Variants in PATL1 observed in about 807,000 individuals in gnomAD.
PATL1 encodes protein PAT1 homolog 1.
In PATL1, 32 loss-of-function variants were observed where a neutral mutation model predicts 100.6. The observed-to-expected ratio is 0.32, with a 90% CI of 0.24 to 0.43. The LOEUF is 0.43. PATL1 is among the 20% of genes least tolerant of loss of function. The pLI is 1.00. For synonymous variants in PATL1, 332 were observed against 330.0 expected, an observed-to-expected ratio of 1.01 and a Z score of -0.07; for missense variants, 747 against 949.9, an observed-to-expected ratio of 0.79 and a Z score of 2.81.
At chr11:59,648,513 C>T in intron 14 of PATL1, among the ~76,000 whole-genome samples, 1 of 140,760 alleles carries the variant, frequency 7.1e-6, no homozygotes. Context: ...ACAGCAACAG[C>T]TTAAAAAAAA....
intron 2 of PATL1, among the ~76,000 whole-genome samples, chr11:59,662,078 C>T (rs904905019): frequency 2.0e-5 from 3 of 152,112 alleles, no homozygotes; most frequent in Non-Finnish European, 4.4e-5. Flanking sequence ...AATTTTTAAT[C>T]ATACAACGAT....
intron 1 of PATL1, chr11:59,667,203 T>C (rs1861703478): frequency 5.6e-6 from 3 of 531,558 alleles, no homozygotes; most frequent in Middle Eastern, 9.3e-4. Context: ...CCTCACAGCA[T>C]TCCATTTCTC....
chr11:59,659,513 AC>A, intron 2 of PATL1, 44 bp from the exon 3 acceptor site: 1 of 1,504,002 alleles, frequency 6.6e-7, no homozygotes, highest in Non-Finnish European at 8.9e-7. Context: ...TCATAGTGGT[AC>A]AAAAAAGTTT....
In PATL1 at chr11:59,666,837, G is replaced by GA; in HGVS notation, c.127+15dup. Reference sequence around the variant, plus strand: ...AGGAGGCTAAGATGATATTATAAGCGAAAGATGTCACTTACCAACTGCACC... The same window carrying GA: ...AGGAGGCTAAGATGATATTATAAGCGAAAAGATGTCACTTACCAACTGCACC... On this transcript the variant is annotated intron_variant, in intron 2 of 18. Transcript: ENST00000300146. 6.5e-7 allele frequency: 1 copy of GA among 1,545,508 alleles called. No individual in the cohort carries two copies. The highest frequency in any genetic ancestry group is 8.7e-7 in the Non-Finnish European group (1 of 1,145,328).
intron 2 of PATL1, 131 bp from the exon 3 acceptor site, chr11:59,659,600 C>T (rs1281645727): frequency 2.8e-5 from 22 of 782,924 alleles, no homozygotes; most frequent in South Asian, 2.4e-4. Flanking sequence ...GGCGTGATCT[C>T]GGCTCACCGC....
chr11:59,656,927 A>G (rs1293490812), intron 5 of PATL1, among the ~76,000 whole-genome samples: 1 of 152,192 alleles, frequency 6.6e-6, no homozygotes, highest in Non-Finnish European at 1.5e-5. Flanking sequence ...AGGGAGAAGG[A>G]ATGATAAGAA....
rs1165658928 is a variant in PATL1, at chr11:59,655,751, G to T, written c.814-11C>A. ...CCGTCCAGGCTGTAGCTACAAAGAG[G>T]AAGAAGATCTTAGATTTAGACAATC... On this transcript the variant is annotated splice_polypyrimidine_tract_variant and intron_variant, in intron 7 of 18. Coordinates refer to ENST00000300146, the MANE Select transcript of PATL1 (RefSeq NM_152716.3). 6.4e-7 allele frequency: 1 copy of T among 1,572,210 alleles called. No individual in the cohort carries two copies.
chr11:59,659,389 T>A lies in PATL1; in HGVS notation c.208A>T (p.Asn70Tyr). 1 of 1,551,422 alleles carries A rather than the reference T, an allele frequency of 6.4e-7. No homozygotes were observed. The highest frequency in any genetic ancestry group is 8.7e-7 in the Non-Finnish European group (1 of 1,146,860). ...AAGTCCATTTCATCTCTCTCTCCATTGCCTGTTTGTTCATTAACTGCCACT... is the reference window on the plus strand; with the variant it reads ...AAGTCCATTTCATCTCTCTCTCCATAGCCTGTTTGTTCATTAACTGCCACT... The part of the protein sequence containing the change: ...LPVAVNEQTG[N>Y]GERDEMDLLG... Residue 70 changes from asparagine to tyrosine, a missense_variant, in exon 3 of 19, where the codon AAT becomes TAT. Around this residue, in one of 4 missense-constraint regions of PATL1, gnomAD observed 183 missense variants for 221.2 expected, o/e 0.83. Transcript: ENST00000300146.
chr11:59,651,492 G>T (rs1212366675), intron 12 of PATL1, 52 bp downstream of exon 12: 1 of 1,396,048 alleles, frequency 7.2e-7, no homozygotes, highest in East Asian at 2.3e-5. Context: ...GACCCCAAAA[G>T]AAGTGGTCAC....
chr11:59,661,049 AT>A (rs1861618261), intron 2 of PATL1, among the ~76,000 whole-genome samples: 1 of 152,122 alleles, frequency 6.6e-6, no homozygotes, highest in Non-Finnish European at 1.5e-5. Context: ...TTCTGCTTCC[AT>A]CATGAAAGCT....
intron 10 of PATL1, 67 bp from the exon 11 acceptor site, chr11:59,652,654 A>C: frequency 6.3e-7 from 1 of 1,580,278 alleles, no homozygotes; most frequent in South Asian, 1.2e-5. Context: ...ACCATCAAAT[A>C]ATTTATGCCA....
rs534897497 is a variant in PATL1, at chr11:59,638,057, C to T, written c.*333G>A. ...ATCCTTTGGCAGGCTACAATCTACT[C>T]TGAGGTGGAGTAGTGGAGGGATAAA... On this transcript the variant is annotated 3_prime_UTR_variant, in exon 19 of 19. Transcript: ENST00000300146. 9.3e-6 allele frequency: 3 copies of T among 323,800 alleles called. No individual in the cohort carries two copies. The highest frequency in any genetic ancestry group is 8.5e-5 in the Admixed American group (2 of 23,604). 20.1% of individuals were successfully genotyped at this position (323,800 alleles called of 1,614,324 possible). A position where few individuals can be genotyped will look rare whatever the true frequency, so the allele number is the denominator to read the frequency against.
intron 15 of PATL1, among the ~76,000 whole-genome samples, chr11:59,646,958 G>A (rs1861373325): frequency 6.6e-6 from 1 of 152,082 alleles, no homozygotes; most frequent in South Asian, 2.1e-4. Flanking sequence ...AGTAGCTCAA[G>A]CCTGTAATCC....
At chr11:59,664,215 G>A (rs184221431) in intron 2 of PATL1, among the ~76,000 whole-genome samples, 3 of 152,190 alleles carry the variant, frequency 2.0e-5, no homozygotes, top group East Asian at 3.9e-4. Context: ...TTTTCAGCAC[G>A]TGTACACTTT....
chr11:59,668,707 C>T (rs1861729913), intron 1 of PATL1, among the ~76,000 whole-genome samples, 174 bp downstream of exon 1: 1 of 152,154 alleles, frequency 6.6e-6, no homozygotes, highest in South Asian at 2.1e-4. Flanking sequence ...ATGAAGCCAG[C>T]TCCCAGCCCT....
intron 15 of PATL1, among the ~76,000 whole-genome samples, chr11:59,645,802 A>G (rs1248455627): frequency 6.6e-6 from 1 of 152,022 alleles, no homozygotes. Context: ...TTTAGACAGG[A>G]CTCTAGTAAT....
intron 2 of PATL1, among the ~76,000 whole-genome samples, chr11:59,662,062 ATATG>A (rs1281792786): frequency 4.6e-5 from 7 of 152,224 alleles, no homozygotes; most frequent in South Asian, 2.1e-4. Flanking sequence ...TTTGCTATAT[ATATG>A]TAATTTTTAA....
Position 59,637,351 on chromosome 11 carries a change from G to A in PATL1, c.*1039C>T, listed in dbSNP as rs530529358. 24 of 152,702 alleles carry A rather than the reference G, an allele frequency of 1.6e-4. No homozygotes were observed. Among genetic ancestry groups the A allele is most frequent in the African/African-American group, 5.5e-4 (23 of 41,570 alleles). 9.5% of individuals were successfully genotyped at this position (152,702 alleles called of 1,614,324 possible). On this transcript the variant is annotated 3_prime_UTR_variant, in exon 19 of 19. Transcript: ENST00000300146. ...TAGTAAAGACAGCAGTTCTGCCCAT[G>A]GTGTGGAGACTAAAAAGCAAAGCAG...
rs1018460499 is a variant in PATL1 at position 59,668,982 on chromosome 11, C to G, written c.-87G>C. The stretch of plus-strand genomic sequence containing the variant: ...TCCCCGGCTCCTCCGCGCGCGGGTC[C>G]TCCACCGGCTCGCGACCCCTGGCCG... On this transcript the variant is annotated 5_prime_UTR_variant, in exon 1 of 19. Coordinates refer to ENST00000300146, the MANE Select transcript of PATL1 (RefSeq NM_152716.3). The G allele has an allele frequency of 1.2e-4, 38 of 306,450 alleles. No individual in the cohort carries two copies. Among genetic ancestry groups the G allele is most frequent in the African/African-American group, 6.9e-4 (31 of 44,804 alleles). 19.0% of individuals were successfully genotyped at this position (306,450 alleles called of 1,614,324 possible).
Sources: gnomAD v4.1 joint callset for allele counts (sites outside exome capture counted in the v4.1 genomes callset) on GRCh38, gnomAD v4.1.1 for gene constraint, gnomAD v4.1.1 regional missense constraint, MANE v1.5 for transcripts, NCBI Gene and HGNC (gene_info 2026-07-23, HGNC 2026-07-21) for gene names.